EFCAB10: variants seen among roughly 807,000 people sequenced by gnomAD.
The protein encoded by EFCAB10 is EF-hand calcium binding domain 10, also known as EF-hand calcium-binding domain-containing protein 10.
EFCAB10 carries 7 observed loss-of-function variants against 7.7 expected under a neutral mutation model. The ratio of observed to expected loss-of-function variants is 0.91; its 90% CI spans 0.52 to 1.72. The LOEUF is 1.72. Among genes scored for constraint, EFCAB10 ranks in the 40% most tolerant of loss-of-function variants. The probability of loss-of-function intolerance (pLI) is 0.00; values close to 1 mark genes in which losing one functional copy is unlikely to be tolerated. For missense variants in EFCAB10, 112 were observed against 61.5 expected (o/e 1.82, Z -2.74); for synonymous variants, 52 against 21.0 (o/e 2.47, Z -4.03).
At chr7:105,566,886 C>T (rs200503020) in intron 4 of EFCAB10, 14 of 297,104 alleles carry the variant, frequency 4.7e-5, no homozygotes, top group South Asian at 3.2e-4. Flanking sequence ...AGGGAAATAA[C>T]GGATACATAT....
At position 105,579,001 on chromosome 7, in the gene EFCAB10, G is replaced by T. The variant is rs548581673; in HGVS notation, c.106+2357C>A. ...TTGGCCAGGCTGGTCTCTAGCTCTT[G>T]ACCTCAAGTGATCCACCCGCCTTGG... On this transcript the variant is annotated intron_variant, in intron 1 of 4. Transcript: ENST00000480514. 3.3e-5 allele frequency among the ~76,000 whole-genome samples: 5 copies of T among 152,318 alleles called. No individual in the cohort carries two copies. The South Asian group carries it at 1.0e-3, about 32-fold the overall frequency.
At chr7:105,569,360 T>G in intron 2 of EFCAB10, 47 bp downstream of exon 2, 1 of 695,078 alleles carries the variant, frequency 1.4e-6, no homozygotes, top group Non-Finnish European at 2.6e-6. Flanking sequence ...TAGAAAAAAC[T>G]GTGGAATGAC....
At position 105,578,972 on chromosome 7, in the gene EFCAB10, C is replaced by A. The variant is rs139638875; in HGVS notation, c.106+2386G>T. ...ATTTTTAGTAGAGATGGGGTTTCAC[C>A]ATGTTGGCCAGGCTGGTCTCTAGCT... On this transcript the variant is annotated intron_variant, in intron 1 of 4. Coordinates refer to ENST00000480514, the MANE Select transcript of EFCAB10 (RefSeq NM_001355526.2). Among the ~76,000 whole-genome samples, 392 of 152,260 alleles carry A rather than the reference C, an allele frequency of 2.6e-3. 7 individuals are homozygous for A. The highest frequency in any genetic ancestry group is 1.8e-3 in the Non-Finnish European group (121 of 68,014).
At chr7:105,581,081 A>G (rs903811180) in intron 1 of EFCAB10, among the ~76,000 whole-genome samples, 1 of 152,142 alleles carries the variant, frequency 6.6e-6, no homozygotes, top group Non-Finnish European at 1.5e-5. Flanking sequence ...TTAGCCATGC[A>G]TGGTGGCGGG....
intron 1 of EFCAB10, among the ~76,000 whole-genome samples, chr7:105,580,071 C>T (rs1183750116): frequency 6.6e-6 from 1 of 151,966 alleles, no homozygotes; most frequent in African/African-American, 2.4e-5. Flanking sequence ...ATGCAACCTC[C>T]GCCTCCCAGG....
At chr7:105,569,685 G>A (rs1791887464) in intron 1 of EFCAB10, 114 bp from the exon 2 acceptor site, 2 of 596,778 alleles carry the variant, frequency 3.4e-6, no homozygotes, top group Admixed American at 3.0e-5. Context: ...ACTAGGCGCT[G>A]GGGACACAGG....
chr7:105,566,639 C>T (rs552017472), intron 4 of EFCAB10: 1 of 140,182 alleles, frequency 7.1e-6, no homozygotes, highest in South Asian at 2.3e-4. Context: ...GACCATGTCT[C>T]AAAAAAAAAA....
At position 105,565,254 on chromosome 7, in the gene EFCAB10, T is replaced by C. The variant is rs778159459; in HGVS notation, c.*193A>G. On this transcript the variant is annotated 3_prime_UTR_variant, in exon 5 of 5. Coordinates refer to ENST00000480514, the MANE Select transcript of EFCAB10 (RefSeq NM_001355526.2). ...AAAATAGAAACTGATGAAAATTTTT[T>C]GGTAAAAATGTGTTTTTTCCAGATG... 1.6e-5 allele frequency: 25 copies of C among 1,556,212 alleles called. No homozygotes were observed. The highest frequency in any genetic ancestry group is 1.7e-4 in the Middle Eastern group (1 of 5,814).
chr7:105,569,320 G>A (rs915592828), intron 2 of EFCAB10, 30 bp from the exon 3 acceptor site: 4 of 694,784 alleles, frequency 5.8e-6, no homozygotes, highest in African/African-American at 3.5e-5. Context: ...AATGAAGTGA[G>A]AATTTTACAA....
At chr7:105,579,048 G>A (rs1444247853) in intron 1 of EFCAB10, among the ~76,000 whole-genome samples, 1 of 152,176 alleles carries the variant, frequency 6.6e-6, no homozygotes, top group Admixed American at 6.5e-5. Flanking sequence ...GTTGGGAGGT[G>A]TGAGCCTCCG....
intron 1 of EFCAB10, among the ~76,000 whole-genome samples, chr7:105,575,716 G>A (rs925448109): frequency 6.6e-6 from 1 of 152,110 alleles, no homozygotes; most frequent in Non-Finnish European, 1.5e-5. Context: ...TAATTCCAAG[G>A]TTTTCAAATT....
At chr7:105,577,531 G>A (rs1792110191) in intron 1 of EFCAB10, among the ~76,000 whole-genome samples, 2 of 151,964 alleles carry the variant, frequency 1.3e-5, no homozygotes, top group East Asian at 1.9e-4. Context: ...TGCTTTGAGT[G>A]TGATTCTGTG....
intron 1 of EFCAB10, among the ~76,000 whole-genome samples, chr7:105,575,410 C>T (rs1268409070): frequency 1.3e-5 from 2 of 152,004 alleles, no homozygotes; most frequent in Non-Finnish European, 2.9e-5. Context: ...CCAGGTTCAA[C>T]TGATTCTCTT....
intron 1 of EFCAB10, chr7:105,571,040 T>G (rs80144470): frequency 0.079 from 12,051 of 152,070 alleles, 505 homozygotes; most frequent in East Asian, 0.12. Flanking sequence ...AAAAAAAATT[T>G]TTTTTAAGTT....
intron 1 of EFCAB10, among the ~76,000 whole-genome samples, chr7:105,580,536 G>T (rs8180788): frequency 0.082 from 12,393 of 151,844 alleles, 895 homozygotes; most frequent in East Asian, 0.33. Flanking sequence ...CTGCAGTGGC[G>T]CCATCTCGTG....
At chr7:105,575,166 T>A (rs1792046746) in intron 1 of EFCAB10, among the ~76,000 whole-genome samples, 1 of 150,390 alleles carries the variant, frequency 6.6e-6, no homozygotes, top group Admixed American at 6.6e-5. Context: ...TTATTCACTA[T>A]CACAAGAACA....
intron 1 of EFCAB10, among the ~76,000 whole-genome samples, chr7:105,579,058 G>A (rs1451255133): frequency 2.6e-5 from 4 of 152,158 alleles, no homozygotes; most frequent in Non-Finnish European, 5.9e-5. Flanking sequence ...GTGAGCCTCC[G>A]TGCACAGCCT....
chr7:105,577,220 G>A (rs915495747), intron 1 of EFCAB10, among the ~76,000 whole-genome samples: 1 of 152,078 alleles, frequency 6.6e-6, no homozygotes, highest in Admixed American at 6.6e-5. Flanking sequence ...CCTTCTACTG[G>A]AAAATTCTGG....
At chr7:105,575,859 G>GA (rs1408991974) in intron 1 of EFCAB10, among the ~76,000 whole-genome samples, 1 of 152,072 alleles carries the variant, frequency 6.6e-6, no homozygotes, top group Admixed American at 6.6e-5. Context: ...CCAACATGGA[G>GA]AAACCCCATC....
Sources: gnomAD v4.1 joint callset for allele counts (sites outside exome capture counted in the v4.1 genomes callset) on GRCh38, gnomAD v4.1.1 for gene constraint, MANE v1.5 for transcripts, NCBI Gene and HGNC (gene_info 2026-07-23, HGNC 2026-07-21) for gene names.